CCDC191: variants seen among roughly 807,000 people sequenced by gnomAD.
CCDC191 encodes coiled-coil domain-containing protein 191.
In CCDC191, 99 loss-of-function variants were observed where a neutral mutation model predicts 114.0. The ratio of observed to expected loss-of-function variants is 0.87; its 90% confidence interval spans 0.74 to 1.03. The LOEUF (loss-of-function observed/expected upper bound fraction) is 1.03, where lower values mean the gene tolerates loss of function less well. Ranked by LOEUF, CCDC191 falls within the 50% of genes least tolerant of loss-of-function variation. The pLI is 0.00. For synonymous variants in CCDC191, 351 were observed against 376.0 expected, an observed-to-expected ratio of 0.93 and a Z score of 0.77; for missense variants, 973 against 1,087.0, an observed-to-expected ratio of 0.90 and a Z score of 1.47.
At chr3:114,043,013 T>C (rs1319645254) in intron 3 of CCDC191, among the ~76,000 whole-genome samples, 167 bp from the exon 4 acceptor site, 1 of 152,156 alleles carries the variant, frequency 6.6e-6, no homozygotes, top group Non-Finnish European at 1.5e-5. Flanking sequence ...AGCCCTAGCA[T>C]CATGAAACTT....
intron 14 of CCDC191, among the ~76,000 whole-genome samples, 188 bp from the exon 15 acceptor site, chr3:113,979,198 A>G (rs2075049494): frequency 6.6e-6 from 1 of 152,222 alleles, no homozygotes; most frequent in Non-Finnish European, 1.5e-5. Context: ...ATAGATTCAC[A>G]TCATGCATGG....
chr3:114,031,687 A>C lies in CCDC191; in HGVS notation c.911T>G (p.Val304Gly), dbSNP rs200315000. 9.2e-5 allele frequency: 148 copies of C among 1,602,008 alleles called. No individual in the cohort carries two copies. The East Asian group carries it at 2.9e-3, about 31-fold the overall frequency. ...TTTCAATTTCCTTTTTCTTTCCTTC[A>C]CCATTTTTTCCTCATCTGGAAGAAT... ...THILPDEEKM[V>G]KERKRKLKEV... Residue 304 changes from valine to glycine, a missense_variant, in exon 7 of 17, where the codon GTG (valine) becomes GGG (glycine). Physicochemically the swap from Val to Gly is moderately radical, Grantham distance 109. Coordinates refer to ENST00000295878, the MANE Select transcript of CCDC191 (RefSeq NM_020817.2).
chr3:113,976,640 T>TAA (rs561923981), intron 16 of CCDC191, among the ~76,000 whole-genome samples: 5 of 131,264 alleles, frequency 3.8e-5, no homozygotes, highest in Non-Finnish European at 6.6e-5. Context: ...GACACTAAAC[T>TAA]AAAAAAAAAA....
chr3:113,986,509 A>G (rs977884870), intron 13 of CCDC191, among the ~76,000 whole-genome samples: 2 of 152,256 alleles, frequency 1.3e-5, no homozygotes, highest in Admixed American at 6.5e-5. Flanking sequence ...CAACCAACCA[A>G]CCATACCTAG....
chr3:114,044,469 T>C (rs1312877509), intron 3 of CCDC191, among the ~76,000 whole-genome samples: 1 of 152,266 alleles, frequency 6.6e-6, no homozygotes, highest in African/African-American at 2.4e-5. Context: ...ATTACCTTCA[T>C]CATTATGATG....
At chr3:114,041,825 A>G (rs1429139781) in intron 4 of CCDC191, among the ~76,000 whole-genome samples, 3 of 152,194 alleles carry the variant, frequency 2.0e-5, no homozygotes, top group Admixed American at 6.5e-5. Context: ...CCTTGAGTGT[A>G]TTAGATAAAT....
rs751419773 is a variant in CCDC191, at chr3:113,978,846, C to T, written c.2460+12G>A. The T allele has an allele frequency of 6.2e-7, 1 of 1,611,966 alleles. No homozygotes were observed. Among genetic ancestry groups the T allele is most frequent in the Non-Finnish European group, 8.5e-7 (1 of 1,178,746 alleles). ...TGAGATGTATTTAAGGTACCCTTCC[C>T]TATGTCCTTACCTGTAGCCAGCTCT... On this transcript the variant is annotated intron_variant, in intron 15 of 16. Coordinates refer to ENST00000295878, the MANE Select transcript of CCDC191 (RefSeq NM_020817.2).
intron 11 of CCDC191, chr3:114,003,236 T>C: frequency 1.0e-6 from 1 of 985,388 alleles, no homozygotes; most frequent in Non-Finnish European, 1.2e-6. Flanking sequence ...AGTTGGGGCT[T>C]TCATAGGAAG....
chr3:113,974,911 G>A (rs1014469226), intron 16 of CCDC191, among the ~76,000 whole-genome samples: 1 of 151,992 alleles, frequency 6.6e-6, no homozygotes, highest in African/African-American at 2.4e-5. Flanking sequence ...ACTAAATTAT[G>A]AGCACCAGGG....
Position 114,010,474 on chromosome 3 carries a change from G to A in CCDC191, c.1413+298C>T, listed in dbSNP as rs143480264. Among the ~76,000 whole-genome samples the A allele has an allele frequency of 9.1e-4, 139 of 152,282 alleles. 3 individuals are homozygous for A. The East Asian group carries it at 0.015, about 16-fold the overall frequency. ...AAATGTCTGATGATCAAAAAGGGGAGTTCAAGAGTTATAGACAGTGCTTTA... is the reference window on the plus strand; with the variant it reads ...AAATGTCTGATGATCAAAAAGGGGAATTCAAGAGTTATAGACAGTGCTTTA... On this transcript the variant is annotated intron_variant, in intron 9 of 16. Coordinates refer to ENST00000295878, the MANE Select transcript of CCDC191 (RefSeq NM_020817.2).
At chr3:113,993,283 G>A (rs2075628906) in intron 13 of CCDC191, among the ~76,000 whole-genome samples, 1 of 152,056 alleles carries the variant, frequency 6.6e-6, no homozygotes, top group South Asian at 2.1e-4. Context: ...CATATGGAAA[G>A]TCAAATGAAC....
chr3:114,008,596 G>A (rs906952379), intron 9 of CCDC191, among the ~76,000 whole-genome samples: 5 of 151,950 alleles, frequency 3.3e-5, no homozygotes, highest in Admixed American at 2.0e-4. Context: ...CGACAGGATT[G>A]ACTTTATAAA....
chr3:114,010,197 T>A (rs896033448), intron 9 of CCDC191, among the ~76,000 whole-genome samples: 1 of 151,802 alleles, frequency 6.6e-6, no homozygotes, highest in African/African-American at 2.4e-5. Flanking sequence ...GGCAGACGAG[T>A]TCCTCAATGG....
chr3:113,970,869 C>T (rs1940738420), intron 16 of CCDC191, among the ~76,000 whole-genome samples: 1 of 152,144 alleles, frequency 6.6e-6, no homozygotes, highest in Non-Finnish European at 1.5e-5. Context: ...TTTCCAGCTT[C>T]ATCCATGTCC....
intron 8 of CCDC191, among the ~76,000 whole-genome samples, chr3:114,013,743 A>T (rs2076112712): frequency 6.6e-6 from 1 of 152,210 alleles, no homozygotes; most frequent in East Asian, 1.9e-4. Context: ...AAAAGGTTTG[A>T]ATAGGAATTT....
chr3:114,006,656 T>C (rs948392774), intron 9 of CCDC191, among the ~76,000 whole-genome samples: 3 of 145,706 alleles, frequency 2.1e-5, no homozygotes, highest in Admixed American at 6.9e-5. Flanking sequence ...ATGAATTTAA[T>C]ATGCATAAAT....
chr3:113,965,572 A>G (rs774054330), intron 16 of CCDC191, among the ~76,000 whole-genome samples: 5 of 151,964 alleles, frequency 3.3e-5, no homozygotes, highest in Non-Finnish European at 7.4e-5. Context: ...TTGATAGGTT[A>G]TTTTTATTTT....
chr3:113,998,752 C>T (rs1266149241), intron 13 of CCDC191, among the ~76,000 whole-genome samples: 1 of 152,214 alleles, frequency 6.6e-6, no homozygotes, highest in Non-Finnish European at 1.5e-5. Flanking sequence ...TTTGTTCTCA[C>T]TGGAACAGAC....
At chr3:114,044,146 T>C (rs1247850952) in intron 3 of CCDC191, among the ~76,000 whole-genome samples, 2 of 151,684 alleles carry the variant, frequency 1.3e-5, no homozygotes, top group South Asian at 4.2e-4. Flanking sequence ...CAGACTGTAT[T>C]TAAAATCATA....
Sources: gnomAD v4.1 joint callset for allele counts (sites outside exome capture counted in the v4.1 genomes callset) on GRCh38, gnomAD v4.1.1 for gene constraint, MANE v1.5 for transcripts, NCBI Gene and HGNC (gene_info 2026-07-23, HGNC 2026-07-21) for gene names.